PTPRD: variants seen among roughly 807,000 people sequenced by gnomAD.
The protein encoded by PTPRD is protein tyrosine phosphatase receptor type D.
In PTPRD, 34 loss-of-function variants were observed where a neutral mutation model predicts 214.5. The observed-to-expected ratio is 0.16, with a 90% CI of 0.12 to 0.21. PTPRD has a LOEUF of 0.21. Ranked by LOEUF, PTPRD falls within the 10% of genes least tolerant of loss-of-function variation. The pLI is 1.00. For missense variants in PTPRD, 2,545 were observed against 2,398.7 expected, an observed-to-expected ratio of 1.06 and a Z score of -1.27; for synonymous variants, 1,128 against 845.7, an observed-to-expected ratio of 1.33 and a Z score of -5.79.
At chr9:10,105,795 T>C (rs1459108491) in intron 3 of PTPRD, among the ~76,000 whole-genome samples, 2 of 151,538 alleles carry the variant, frequency 1.3e-5, no homozygotes, top group Non-Finnish European at 3.0e-5. Context: ...GTGTAGTCTC[T>C]CTTTCATGAT....
intron 39 of PTPRD, among the ~76,000 whole-genome samples, chr9:8,344,612 A>G (rs1329013123): frequency 1.3e-5 from 2 of 152,060 alleles, no homozygotes; most frequent in East Asian, 1.9e-4. Context: ...TGCTATTCAT[A>G]TGGAAGATAG....
intron 2 of PTPRD, among the ~76,000 whole-genome samples, chr9:10,534,921 A>C (rs932594665): frequency 3.3e-5 from 5 of 152,188 alleles, no homozygotes; most frequent in Non-Finnish European, 7.3e-5. Context: ...ATTGCAATAA[A>C]AGAGCAATAA....
At chr9:9,869,022 T>G (rs1268628539) in intron 5 of PTPRD, among the ~76,000 whole-genome samples, 1 of 152,194 alleles carries the variant, frequency 6.6e-6, no homozygotes, top group Non-Finnish European at 1.5e-5. Flanking sequence ...AGGCATAATT[T>G]GAGAATATGG....
intron 7 of PTPRD, among the ~76,000 whole-genome samples, chr9:9,665,366 T>A (rs2096701669): frequency 6.6e-6 from 1 of 151,828 alleles, no homozygotes; most frequent in African/African-American, 2.4e-5. Flanking sequence ...AAAGATTGCA[T>A]CAGAGTATTT....
chr9:9,995,332 C>G (rs760980924), intron 4 of PTPRD, among the ~76,000 whole-genome samples: 5 of 152,012 alleles, frequency 3.3e-5, no homozygotes, highest in Admixed American at 2.6e-4. Context: ...AACAATCAAA[C>G]AAAAACAAGG....
chr9:8,967,233 G>C (rs900669975), intron 11 of PTPRD, among the ~76,000 whole-genome samples: 7 of 152,092 alleles, frequency 4.6e-5, no homozygotes, highest in African/African-American at 1.7e-4. Context: ...ATGGAAAGCA[G>C]TTTGGAGATT....
chr9:9,596,291 G>A (rs889364325), intron 7 of PTPRD, among the ~76,000 whole-genome samples: 3 of 151,834 alleles, frequency 2.0e-5, no homozygotes, highest in Admixed American at 6.6e-5. Context: ...GAATATTCCT[G>A]AAGAATAGTA....
chr9:9,338,197 A>G (rs1278951420), intron 9 of PTPRD, among the ~76,000 whole-genome samples: 1 of 152,210 alleles, frequency 6.6e-6, no homozygotes, highest in Non-Finnish European at 1.5e-5. Context: ...TAGTGCAAAG[A>G]ATTATTCTTA....
At chr9:9,312,548 G>T (rs115529303) in intron 9 of PTPRD, among the ~76,000 whole-genome samples, 270 of 152,188 alleles carry the variant, frequency 1.8e-3, no homozygotes, top group African/African-American at 6.1e-3. Flanking sequence ...TCTGGTTTCC[G>T]CCTACATCCC....
intron 3 of PTPRD, among the ~76,000 whole-genome samples, chr9:10,166,023 T>A (rs977409180): frequency 6.0e-5 from 9 of 149,620 alleles, no homozygotes; most frequent in Non-Finnish European, 1.5e-5. Flanking sequence ...ATAATACATA[T>A]CATATATATT....
chr9:9,240,879 T>C (rs1594335958), intron 9 of PTPRD, among the ~76,000 whole-genome samples: 2 of 152,268 alleles, frequency 1.3e-5, no homozygotes, highest in East Asian at 1.9e-4. Flanking sequence ...GACATCCAAA[T>C]AGTTATTGTT....
chr9:10,182,467 G>T (rs888058162), intron 3 of PTPRD, among the ~76,000 whole-genome samples: 4 of 151,802 alleles, frequency 2.6e-5, no homozygotes, highest in Non-Finnish European at 5.9e-5. Flanking sequence ...TGAAAAATAT[G>T]ATAAGTATAA....
chr9:8,395,145 G>C (rs1018663847), intron 36 of PTPRD, among the ~76,000 whole-genome samples: 24 of 152,090 alleles, frequency 1.6e-4, no homozygotes, highest in Admixed American at 1.4e-3. Context: ...GTGTCAAAAA[G>C]AAATTGCTTT....
At chr9:9,488,530 A>G (rs1047944936) in intron 8 of PTPRD, among the ~76,000 whole-genome samples, 2 of 152,130 alleles carry the variant, frequency 1.3e-5, no homozygotes, top group African/African-American at 4.8e-5. Context: ...TCAAATCTGG[A>G]TGAATTTCCA....
intron 11 of PTPRD, among the ~76,000 whole-genome samples, chr9:8,816,484 G>A (rs897593971): frequency 1.2e-4 from 18 of 152,104 alleles, no homozygotes; most frequent in African/African-American, 9.7e-5. Context: ...TAGCAGTATC[G>A]TTACAGGGCA....
intron 9 of PTPRD, among the ~76,000 whole-genome samples, chr9:9,362,711 T>C (rs2056621910): frequency 6.6e-5 from 10 of 151,296 alleles, no homozygotes. Flanking sequence ...ATCCATTGTT[T>C]CTTTAAAATC....
At chr9:9,725,387 T>C (rs1356328072) in intron 7 of PTPRD, among the ~76,000 whole-genome samples, 3 of 151,980 alleles carry the variant, frequency 2.0e-5, no homozygotes, top group African/African-American at 7.3e-5. Context: ...ACCATTATTG[T>C]AAGGCCTCCC....
At chr9:8,535,459 C>T (rs941257452) in intron 14 of PTPRD, among the ~76,000 whole-genome samples, 4 of 151,800 alleles carry the variant, frequency 2.6e-5, no homozygotes, top group African/African-American at 9.7e-5. Flanking sequence ...TAAATAAAAT[C>T]CATATTGTCA....
intron 9 of PTPRD, among the ~76,000 whole-genome samples, chr9:9,317,683 T>C (rs927547776): frequency 6.6e-6 from 1 of 152,158 alleles, no homozygotes; most frequent in Non-Finnish European, 1.5e-5. Context: ...TGTTATTCCA[T>C]GTTCCTAAAT....
Sources: allele counts gnomAD v4.1 joint callset (sites outside exome capture counted in the v4.1 genomes callset), GRCh38; gene constraint gnomAD v4.1.1; transcripts MANE v1.5; gene names NCBI Gene and HGNC (gene_info 2026-07-23, HGNC 2026-07-21).